ADCY2: variants seen among roughly 807,000 people sequenced by gnomAD.
ADCY2 encodes the protein adenylate cyclase 2, also known as adenylate cyclase type 2.
Under a neutral mutation model 125.2 loss-of-function variants are expected in ADCY2, and 31 were observed. That is an observed-to-expected ratio of 0.25 (90% confidence interval 0.19 to 0.33). The LOEUF (loss-of-function observed/expected upper bound fraction) is 0.33, where lower values mean the gene tolerates loss of function less well. ADCY2 is among the 10% of genes least tolerant of loss of function. The pLI is 1.00. For missense variants in ADCY2, 904 were observed against 1,418.2 expected (o/e 0.64, Z 5.82); for synonymous variants, 512 against 548.4 (o/e 0.93, Z 0.93).
chr5:7,670,791 G>C (rs151255825), intron 4 of ADCY2, among the ~76,000 whole-genome samples: 33 of 152,238 alleles, frequency 2.2e-4, no homozygotes, highest in African/African-American at 7.7e-4. Flanking sequence ...ATCTAATGCT[G>C]CCGCTGATCT....
chr5:7,589,457 A>AG (rs1561112250), intron 3 of ADCY2, among the ~76,000 whole-genome samples: 13 of 79,748 alleles, frequency 1.6e-4, no homozygotes, highest in Non-Finnish European at 2.6e-4. Flanking sequence ...AGAAGGAAAG[A>AG]AAAAGAAAGA....
chr5:7,739,350 G>A (rs949941396), intron 14 of ADCY2, among the ~76,000 whole-genome samples: 2 of 151,760 alleles, frequency 1.3e-5, no homozygotes, highest in African/African-American at 2.4e-5. Context: ...AAATACAAGC[G>A]AAATGTAAAA....
intron 2 of ADCY2, among the ~76,000 whole-genome samples, chr5:7,416,964 A>T (rs1739973039): frequency 6.6e-6 from 1 of 152,190 alleles, no homozygotes; most frequent in Admixed American, 6.5e-5. Context: ...ATTACGGATC[A>T]GTTTGTCATG....
At chr5:7,691,561 A>T (rs951603981) in intron 5 of ADCY2, 9 of 152,132 alleles carry the variant, frequency 5.9e-5, no homozygotes, top group Non-Finnish European at 1.0e-4. Flanking sequence ...TTCAGGCTGG[A>T]GAGGATTGTC....
intron 3 of ADCY2, among the ~76,000 whole-genome samples, chr5:7,578,337 T>C: frequency 6.6e-6 from 1 of 152,162 alleles, no homozygotes; most frequent in South Asian, 2.1e-4. Flanking sequence ...AAGTCTTGAG[T>C]GTGTTTCCAG....
chr5:7,751,075 A>G (rs1340196826), intron 15 of ADCY2, among the ~76,000 whole-genome samples: 1 of 151,834 alleles, frequency 6.6e-6, no homozygotes, highest in South Asian at 2.1e-4. Context: ...ATTTCCTGAG[A>G]TGTTTCATAG....
chr5:7,472,152 C>T (rs1278701618), intron 2 of ADCY2, among the ~76,000 whole-genome samples: 1 of 152,144 alleles, frequency 6.6e-6, no homozygotes, highest in East Asian at 1.9e-4. Context: ...ATTCTGATCA[C>T]ATAGGTTAGG....
chr5:7,756,752 T>C lies in ADCY2; in HGVS notation c.1957-697T>C, dbSNP rs116024431. On this transcript the variant is annotated intron_variant, in intron 15 of 24. Transcript: ENST00000338316. ...GTAAGACTGAAAATCCTAGAGATGT[T>C]ACACAACAATGTGAATGTGGTTGTC... 6.5e-3 allele frequency among the ~76,000 whole-genome samples: 990 copies of C among 152,332 alleles called. 4 individuals carry two copies. Among genetic ancestry groups the C allele is most frequent in the Non-Finnish European group, 0.01 (689 of 68,032 alleles).
intron 18 of ADCY2, 152 bp downstream of exon 18, chr5:7,773,253 A>G: frequency 5.0e-6 from 4 of 804,932 alleles, no homozygotes; most frequent in Non-Finnish European, 7.7e-6. Flanking sequence ...CAGAAAGACA[A>G]TATGTGTTTT....
chr5:7,668,220 T>C (rs1456960133), intron 4 of ADCY2, among the ~76,000 whole-genome samples: 1 of 152,188 alleles, frequency 6.6e-6, no homozygotes, highest in Non-Finnish European at 1.5e-5. Flanking sequence ...ACCATTTAAA[T>C]CAGTAAACTC....
chr5:7,401,156 CAA>C (rs1739249795), intron 1 of ADCY2, among the ~76,000 whole-genome samples: 1 of 152,190 alleles, frequency 6.6e-6, no homozygotes, highest in Non-Finnish European at 1.5e-5. Context: ...TTAGTACATG[CAA>C]AGCCCTTAGA....
chr5:7,775,599 C>A (rs1743697159), intron 18 of ADCY2, among the ~76,000 whole-genome samples: 1 of 152,156 alleles, frequency 6.6e-6, no homozygotes, highest in Admixed American at 6.5e-5. Context: ...CCATGTTGGC[C>A]AGGCTACTCT....
intron 18 of ADCY2, among the ~76,000 whole-genome samples, chr5:7,776,882 G>T (rs780672940): frequency 7.2e-5 from 11 of 152,154 alleles, no homozygotes; most frequent in Non-Finnish European, 1.6e-4. Context: ...TTGTACAGCA[G>T]TATCTCCAGG....
At chr5:7,743,547 T>G in intron 14 of ADCY2, 121 bp from the exon 15 acceptor site, 4 of 837,094 alleles carry the variant, frequency 4.8e-6, no homozygotes, top group Non-Finnish European at 5.8e-6. Flanking sequence ...TCTCAAAAAT[T>G]TAGTGAGGAT....
intron 8 of ADCY2, among the ~76,000 whole-genome samples, chr5:7,707,496 G>T (rs1248400477): frequency 6.6e-6 from 1 of 152,138 alleles, no homozygotes; most frequent in East Asian, 1.9e-4. Flanking sequence ...TGCAGGTTTC[G>T]GTGAGTGCAG....
At chr5:7,578,759 C>T (rs1000949292) in intron 3 of ADCY2, among the ~76,000 whole-genome samples, 1 of 152,102 alleles carries the variant, frequency 6.6e-6, no homozygotes, top group Non-Finnish European at 1.5e-5. Context: ...GCCTGACATC[C>T]CCTACTCCCA....
At chr5:7,581,870 T>C (rs7443591) in intron 3 of ADCY2, among the ~76,000 whole-genome samples, 93,940 of 150,468 alleles carry the variant, frequency 0.62, 29,954 homozygotes, top group Non-Finnish European at 0.69. Context: ...AAAAGAGGAA[T>C]GTAAAACATG....
chr5:7,745,110 C>A (rs1429104928), intron 15 of ADCY2, among the ~76,000 whole-genome samples: 1 of 152,180 alleles, frequency 6.6e-6, no homozygotes, highest in African/African-American at 2.4e-5. Flanking sequence ...ACTACTACTG[C>A]TAGCAACAAC....
At chr5:7,466,422 G>A (rs1044336639) in intron 2 of ADCY2, among the ~76,000 whole-genome samples, 29 of 152,206 alleles carry the variant, frequency 1.9e-4, no homozygotes, top group African/African-American at 6.8e-4. Context: ...CAGCTCTAGT[G>A]AGAAAGGTGA....
Sources: gnomAD v4.1 joint callset for allele counts (sites outside exome capture counted in the v4.1 genomes callset) on GRCh38, gnomAD v4.1.1 for gene constraint, MANE v1.5 for transcripts, NCBI Gene and HGNC (gene_info 2026-07-23, HGNC 2026-07-21) for gene names.